The following PIR variants were observed in gnomAD, a reference collection of about 807,000 sequenced individuals.
PIR encodes the protein pirin (iron-binding nuclear protein).
Under a neutral mutation model 24.2 loss-of-function variants are expected in PIR, and 22 were observed. That is an observed-to-expected ratio of 0.91 (90% CI 0.65 to 1.30). The LOEUF is 1.30. Among genes scored for constraint, PIR ranks in the 50% most tolerant of loss-of-function variants. The pLI, the probability that PIR is intolerant of heterozygous loss-of-function variation, is 0.00. For synonymous variants in PIR, 80 were observed against 79.6 expected (o/e 1.00, Z -0.03); for missense variants, 220 against 220.3 (o/e 1.00, Z 0.01).
At chrX:15,466,699 C>T (rs1413072386) in intron 3 of PIR, among the ~76,000 whole-genome samples, 1 of 111,604 alleles carries the variant, frequency 9.0e-6, no homozygotes, top group Admixed American at 9.5e-5. Flanking sequence ...AGAGTTGGCA[C>T]AGCTACCACA....
chrX:15,387,625 C>T (rs1028719350), intron 9 of PIR, among the ~76,000 whole-genome samples: 5 of 111,226 alleles, frequency 4.5e-5, no homozygotes, highest in Non-Finnish European at 9.4e-5. Flanking sequence ...TTAAAGGACA[C>T]GCAGGGGAAA....
At position 15,467,552 on chromosome X, in the gene PIR, T is replaced by C. The variant is rs765069198; in HGVS notation, c.190-7812A>G. ...ACAAAGCTGAAAATAGGCCTCATGA[T>C]TTCTGAGTGAAGGGAGTAGGTTTAT... On this transcript the variant is annotated intron_variant, in intron 3 of 9. Transcript: ENST00000380420. Among the ~76,000 whole-genome samples, 9 of 112,066 alleles carry C rather than the reference T, an allele frequency of 8.0e-5. No homozygotes were observed. In the South Asian group the frequency reaches 2.2e-3, roughly 28 times the overall value.
At chrX:15,434,146 A>G (rs186706453) in intron 5 of PIR, among the ~76,000 whole-genome samples, 4 of 91,960 alleles carry the variant, frequency 4.3e-5, no homozygotes, top group East Asian at 3.9e-4. Flanking sequence ...GAGGAGGAGG[A>G]AGGAGAAAGA....
intron 5 of PIR, among the ~76,000 whole-genome samples, chrX:15,433,544 G>GAAAGAAAGAAAGAAAGAAAGAA (rs780968509): frequency 1.7e-5 from 1 of 58,729 alleles, no homozygotes; most frequent in Non-Finnish European, 3.0e-5. Context: ...AAGAAAGAAA[G>GAAAGAAAGAAAGAAAGAAAGAA]AGAGAGAAAG....
intron 3 of PIR, among the ~76,000 whole-genome samples, chrX:15,465,395 C>A (rs1360366903): frequency 9.0e-6 from 1 of 111,585 alleles, no homozygotes; most frequent in East Asian, 2.8e-4. Flanking sequence ...AAATTAATGT[C>A]TGTAGAGGAT....
chrX:15,387,240 C>T (rs965807299), intron 9 of PIR, among the ~76,000 whole-genome samples: 1 of 107,193 alleles, frequency 9.3e-6, no homozygotes, highest in African/African-American at 3.4e-5. Context: ...GGATTACAGG[C>T]ACGTGCCACC....
At chrX:15,437,450 G>T (rs1925785653) in intron 5 of PIR, among the ~76,000 whole-genome samples, 1 of 111,938 alleles carries the variant, frequency 8.9e-6, no homozygotes, top group African/African-American at 3.2e-5. Context: ...TGAATTGAAA[G>T]TTTTCTGTAC....
chrX:15,407,572 A>G, intron 6 of PIR, 22 bp from the exon 7 acceptor site: 3 of 1,140,950 alleles, frequency 2.6e-6, no homozygotes, highest in Non-Finnish European at 3.6e-6. Flanking sequence ...CAGCAACATT[A>G]ACATGTTAGT....
chrX:15,415,462 A>T (rs564134607), intron 6 of PIR, among the ~76,000 whole-genome samples: 37 of 112,265 alleles, frequency 3.3e-4, no homozygotes, highest in East Asian at 5.5e-4. Context: ...ACCATGTTTT[A>T]AAAAATGTAA....
At position 15,456,011 on chromosome X, in the gene PIR, C is replaced by A. The variant is rs35715407; in HGVS notation, c.317G>T (p.Cys106Phe). ...TAGGCCATGGGCTGGCTCCTCTGAG[C>A]AAGGCATCTCAGCGTGCAGAATGCC... ...GRGILHAEMP[C>F]SEEPAHGLQL... The change falls in exon 5 of 10, where the codon TGC (cysteine) becomes TTC (phenylalanine). Residue 106 changes from cysteine (C) to phenylalanine (F), a missense_variant. Coordinates refer to ENST00000380420, the MANE Select transcript of PIR (RefSeq NM_001018109.3). 720 of 1,209,905 alleles carry A rather than the reference C, an allele frequency of 6.0e-4. 2 individuals are homozygous for A. In the African/African-American group the frequency reaches 9.9e-3, roughly 17 times the overall value.
At chrX:15,469,375 A>G (rs1313286164) in intron 3 of PIR, among the ~76,000 whole-genome samples, 1 of 111,929 alleles carries the variant, frequency 8.9e-6, no homozygotes, top group African/African-American at 3.2e-5. Flanking sequence ...ATAAAATGTC[A>G]TTACAAACTC....
intron 2 of PIR, among the ~76,000 whole-genome samples, chrX:15,485,998 G>A (rs1029167956): frequency 2.7e-5 from 3 of 110,716 alleles, no homozygotes; most frequent in African/African-American, 9.9e-5. Context: ...CATTCAAATA[G>A]TTCTAAATCC....
intron 5 of PIR, among the ~76,000 whole-genome samples, chrX:15,449,901 G>C (rs1183863148): frequency 8.9e-6 from 1 of 111,798 alleles, no homozygotes; most frequent in Non-Finnish European, 1.9e-5. Context: ...ATACAGCCAG[G>C]ACATCATGTT....
intron 2 of PIR, among the ~76,000 whole-genome samples, chrX:15,486,609 G>A (rs145451012): frequency 5.4e-5 from 6 of 111,747 alleles, no homozygotes; most frequent in African/African-American, 2.0e-4. Context: ...GTTGCAGGGT[G>A]GAACTTTTAG....
intron 7 of PIR, among the ~76,000 whole-genome samples, chrX:15,399,825 A>G (rs1396162841): frequency 8.9e-6 from 1 of 111,867 alleles, no homozygotes; most frequent in Non-Finnish European, 1.9e-5. Context: ...TAACATTTTC[A>G]TAACTGCACT....
intron 5 of PIR, among the ~76,000 whole-genome samples, chrX:15,435,040 G>A (rs1210303203): frequency 6.3e-5 from 7 of 110,672 alleles, no homozygotes; most frequent in South Asian, 3.8e-4. Flanking sequence ...ATGAAACCCC[G>A]TCTCTACTAA....
intron 6 of PIR, among the ~76,000 whole-genome samples, chrX:15,421,831 A>G (rs1925141462): frequency 9.0e-6 from 1 of 111,258 alleles, no homozygotes; most frequent in Admixed American, 9.6e-5. Flanking sequence ...CCAGACAAGA[A>G]CGCAACAAAA....
At chrX:15,451,152 C>A (rs755553373) in intron 5 of PIR, among the ~76,000 whole-genome samples, 2 of 111,813 alleles carry the variant, frequency 1.8e-5, no homozygotes, top group Non-Finnish European at 3.8e-5. Context: ...GCTTGTACAG[C>A]TAAACCGGCA....
At chrX:15,478,374 G>C (rs1922322041) in intron 3 of PIR, 2 of 112,316 alleles carry the variant, frequency 1.8e-5, no homozygotes, top group African/African-American at 6.5e-5. Context: ...GATGGAGCTG[G>C]TGATATCCGA....
Sources: gnomAD v4.1 joint callset for allele counts (sites outside exome capture counted in the v4.1 genomes callset) on GRCh38, gnomAD v4.1.1 for gene constraint, MANE v1.5 for transcripts, NCBI Gene and HGNC (gene_info 2026-07-23, HGNC 2026-07-21) for gene names.